Variants in ARID1A observed in about 807,000 individuals in gnomAD.
ARID1A encodes the protein AT-rich interactive domain-containing protein 1A.
Under a neutral mutation model 212.6 loss-of-function variants are expected in ARID1A, and 20 were observed. That is an observed-to-expected ratio of 0.09 (90% CI 0.07 to 0.14). The LOEUF is 0.14. Among genes scored for constraint, ARID1A ranks in the 10% least tolerant of loss-of-function variants. The pLI is 1.00. For missense variants in ARID1A, 2,587 were observed against 3,059.0 expected (o/e 0.85, Z 3.64); for synonymous variants, 1,376 against 1,222.1 (o/e 1.13, Z -2.63).
chr1:26,705,450 T>TC lies in ARID1A; in HGVS notation c.1137+7910_1137+7911insC, dbSNP rs1202006506. 1.4e-3 allele frequency among the ~76,000 whole-genome samples: 208 copies of TC among 147,488 alleles called. 2 individuals carry two copies. Among genetic ancestry groups the TC allele is most frequent in the Middle Eastern group, 3.5e-3 (1 of 288 alleles). On this transcript the variant is annotated intron_variant, in intron 1 of 19. Coordinates refer to ENST00000324856, the MANE Select transcript of ARID1A (RefSeq NM_006015.6). ...CCACCACGCCCAGCCTTTTTTTTTTTTCCCCCCCCCTCAAGTAATGGTCCA... is the reference window on the plus strand; with the variant it reads ...CCACCACGCCCAGCCTTTTTTTTTTTCTCCCCCCCCCTCAAGTAATGGTCCA...
At chr1:26,720,702 C>T (rs1570566075) in intron 1 of ARID1A, among the ~76,000 whole-genome samples, 1 of 151,778 alleles carries the variant, frequency 6.6e-6, no homozygotes, top group African/African-American at 2.4e-5. Flanking sequence ...CATGGTGAAA[C>T]CCCATCTCTA....
At chr1:26,702,644 C>T (rs1557574855) in intron 1 of ARID1A, among the ~76,000 whole-genome samples, 1 of 152,094 alleles carries the variant, frequency 6.6e-6, no homozygotes, top group East Asian at 1.9e-4. Flanking sequence ...CTAGCCTCCT[C>T]ATGTGGTGGA....
intron 1 of ARID1A, among the ~76,000 whole-genome samples, chr1:26,704,471 C>G (rs1435195043): frequency 6.6e-6 from 1 of 152,174 alleles, no homozygotes; most frequent in Non-Finnish European, 1.5e-5. Context: ...GTGTTCAAGT[C>G]AAGTTGCTTG....
chr1:26,775,077 G>T lies in ARID1A; in HGVS notation c.4850G>T (p.Gly1617Val). The change falls in exon 18 of 20, where the codon GGT becomes GTT. Residue 1617 changes from glycine to valine, a missense_variant. Transcript: ENST00000324856. ...TCTGGGATGAAAATGCAGAAGGCAGGTCCCCCAGTACCTGCCTCGCACATA... is the reference window on the plus strand; with the variant it reads ...TCTGGGATGAAAATGCAGAAGGCAGTTCCCCCAGTACCTGCCTCGCACATA... ...LHSGMKMQKA[G>V]PPVPASHIAP... The T allele has an allele frequency of 6.2e-7, 1 of 1,612,908 alleles. No individual in the cohort carries two copies. Among genetic ancestry groups the T allele is most frequent in the East Asian group, 2.2e-5 (1 of 44,782 alleles).
In ARID1A at chr1:26,782,062, A is replaced by G. The variant is rs547256040; in HGVS notation, c.*1306A>G. ...ATTCAGTATGAAATCTTTATACTAT[A>G]TGTTCCACGTGTTAAGAATAAATGT... On this transcript the variant is annotated 3_prime_UTR_variant, in exon 20 of 20. Transcript: ENST00000324856. The G allele has an allele frequency of 4.4e-6, 1 of 229,332 alleles. No homozygotes were observed. The highest frequency in any genetic ancestry group is 2.2e-5 in the African/African-American group (1 of 45,210). 14.2% of individuals were successfully genotyped at this position (229,332 alleles called of 1,614,324 possible). A position where few individuals can be genotyped will look rare whatever the true frequency, so the allele number is the denominator to read the frequency against.
intron 4 of ARID1A, among the ~76,000 whole-genome samples, chr1:26,737,337 C>T (rs776540711): frequency 6.6e-5 from 10 of 151,970 alleles, no homozygotes; most frequent in Non-Finnish European, 1.5e-4. Flanking sequence ...AGGCTGGTCT[C>T]GAATTCCTGA....
Position 26,774,592 on chromosome 1 carries a change from T to C in ARID1A, c.4365T>C (p.Phe1455=). The change falls in exon 18 of 20, where the codon TTT becomes TTC. Residue 1455 remains phenylalanine, a synonymous_variant. Coordinates refer to ENST00000324856, the MANE Select transcript of ARID1A (RefSeq NM_006015.6). This position sits in a 1 kb window ranked among gnomAD's most constrained non-coding sequence, Gnocchi z 5.6. ...RRPAGGPQNQ[F]PFQFGRDRVS... ...CAGCAGGCGGCCCCCAGAACCAATTTCCATTCCAGTTTGGCCGAGACCGTG... is the reference window on the plus strand; with the variant it reads ...CAGCAGGCGGCCCCCAGAACCAATTCCCATTCCAGTTTGGCCGAGACCGTG... 2 of 1,614,034 alleles carry C rather than the reference T, an allele frequency of 1.2e-6. No individual in the cohort carries two copies. The highest frequency in any genetic ancestry group is 1.7e-6 in the Non-Finnish European group (2 of 1,179,998).
rs2124087182 is a variant in ARID1A, at chr1:26,767,924, G to T, written c.3123G>T (p.Leu1041=). The change falls in exon 11 of 20, where the codon CTG becomes CTT. Residue 1041 remains leucine, a synonymous_variant. Transcript: ENST00000324856. Reference sequence around the variant, plus strand: ...AGAAGGCCATGGGCATGACAAATCTGCCTGCTGTGGGTAGGAAACCTCTGG... The same window carrying T: ...AGAAGGCCATGGGCATGACAAATCTTCCTGCTGTGGGTAGGAAACCTCTGG... ...TEEKAMGMTN[L]PAVGRKPLDL... is the part of the protein sequence containing the mutation. 6.2e-7 allele frequency: 1 copy of T among 1,614,138 alleles called. No homozygotes were observed. Among genetic ancestry groups the T allele is most frequent in the Middle Eastern group, 1.6e-4 (1 of 6,062 alleles).
chr1:26,761,204 G>A (rs2124058278), intron 5 of ARID1A, 108 bp downstream of exon 5: 2 of 1,515,410 alleles, frequency 1.3e-6, no homozygotes, highest in East Asian at 4.7e-5. Context: ...GCTCATGCCT[G>A]CATAGTTTCC....
chr1:26,741,904 C>G (rs1275279595), intron 4 of ARID1A, among the ~76,000 whole-genome samples: 2 of 152,218 alleles, frequency 1.3e-5, no homozygotes, highest in Non-Finnish European at 2.9e-5. Context: ...TGCGAGGGAG[C>G]TATGCTGTCC....
At chr1:26,749,681 A>T (rs748699635) in intron 4 of ARID1A, among the ~76,000 whole-genome samples, 6 of 152,202 alleles carry the variant, frequency 3.9e-5, no homozygotes, top group Non-Finnish European at 7.3e-5. Flanking sequence ...TTTCACAATT[A>T]GATTGAAATT....
rs747997193 is a variant in ARID1A at position 26,774,781 on chromosome 1, C to G, written c.4554C>G (p.Pro1518=). 1 of 1,614,206 alleles carries G rather than the reference C, an allele frequency of 6.2e-7. No homozygotes were observed. The highest frequency in any genetic ancestry group is 8.5e-7 in the Non-Finnish European group (1 of 1,180,024). ...ACAGGCAGAGCACGGGCTCTGCCCC[C>G]CAGGGCCCCGCCTATCATGGCGTGA... ...YANRQSTGSA[P]QGPAYHGVNR... The change falls in exon 18 of 20, where the codon CCC becomes CCG. Residue 1518 remains proline, a synonymous_variant. Coordinates refer to ENST00000324856, the MANE Select transcript of ARID1A (RefSeq NM_006015.6). This position sits in a 1 kb window ranked among gnomAD's most constrained non-coding sequence, Gnocchi z 5.6.
chr1:26,737,893 C>G (rs1453846183), intron 4 of ARID1A, among the ~76,000 whole-genome samples: 1 of 151,998 alleles, frequency 6.6e-6, no homozygotes, highest in African/African-American at 2.4e-5. Flanking sequence ...AAATTAATGC[C>G]CAGAGTTCAC....
At chr1:26,710,558 T>G (rs1346404771) in intron 1 of ARID1A, among the ~76,000 whole-genome samples, 1 of 146,758 alleles carries the variant, frequency 6.8e-6, no homozygotes, top group Non-Finnish European at 1.5e-5. Flanking sequence ...AGAAGTGGAT[T>G]AGTGCAGTGG....
In ARID1A at chr1:26,780,225, T is replaced by C; in HGVS notation, c.6327T>C (p.Asn2109=). ...ACCCCTTTTCCACCCTGGGCCCCAA[T>C]GCCGTCCTTTCCCCGCAGAGACTGG... The part of the protein sequence containing the change: ...AQDPFSTLGP[N]AVLSPQRLVL... Residue 2109 remains asparagine (N), a synonymous_variant, in exon 20 of 20, where the codon AAT becomes AAC. Coordinates refer to ENST00000324856, the MANE Select transcript of ARID1A (RefSeq NM_006015.6). This position sits in a 1 kb window ranked among gnomAD's most constrained non-coding sequence, Gnocchi z 7.2. The C allele has an allele frequency of 2.5e-6, 4 of 1,614,154 alleles. No homozygotes were observed. Among genetic ancestry groups the C allele is most frequent in the Non-Finnish European group, 2.5e-6 (3 of 1,180,022 alleles).
chr1:26,720,248 C>CG (rs2080548544), intron 1 of ARID1A, among the ~76,000 whole-genome samples: 1 of 135,040 alleles, frequency 7.4e-6, no homozygotes, highest in Non-Finnish European at 1.6e-5. Context: ...GGCTCTGTCT[C>CG]GAAAAAAAAA....
chr1:26,709,626 CTTTTTTTTTT>C (rs57532083), intron 1 of ARID1A, among the ~76,000 whole-genome samples: 1 of 118,508 alleles, frequency 8.4e-6, no homozygotes, highest in African/African-American at 3.2e-5. Flanking sequence ...TACTGTAATG[CTTTTTTTTTT>C]TTTTTTTTTT....
intron 4 of ARID1A, among the ~76,000 whole-genome samples, chr1:26,741,427 A>G (rs2080787531): frequency 6.6e-6 from 1 of 152,126 alleles, no homozygotes; most frequent in Non-Finnish European, 1.5e-5. Context: ...GCACTGAGAA[A>G]AAGGAGAGTC....
chr1:26,733,981 C>T lies in ARID1A; in HGVS notation c.1920+1189C>T, dbSNP rs559565716. Among the ~76,000 whole-genome samples the T allele has an allele frequency of 2.0e-5, 3 of 152,296 alleles. No individual in the cohort carries two copies. The East Asian group carries it at 5.8e-4, about 29-fold the overall frequency. On this transcript the variant is annotated intron_variant, in intron 4 of 19. Coordinates refer to ENST00000324856, the MANE Select transcript of ARID1A (RefSeq NM_006015.6). ...GCAAGGTCTGCAGAGTCCCTTAGTA[C>T]CTGGTGTTCAGGCTTCTGAGGCCAG...
Sources: gnomAD v4.1 joint callset for allele counts (sites outside exome capture counted in the v4.1 genomes callset) on GRCh38, gnomAD v4.1.1 for gene constraint, Gnocchi (gnomAD v3.1) non-coding constraint, MANE v1.5 for transcripts, NCBI Gene and HGNC (gene_info 2026-07-23, HGNC 2026-07-21) for gene names.